ALS2CL: variants seen among roughly 807,000 people sequenced by gnomAD.
ALS2CL encodes the protein ALS2 C-terminal-like protein.
In ALS2CL, 112 loss-of-function variants were observed where a neutral mutation model predicts 127.9. The observed-to-expected ratio is 0.88, with a 90% CI of 0.75 to 1.02. The LOEUF is 1.02. Ranked by LOEUF, ALS2CL falls within the 50% of genes least tolerant of loss-of-function variation. The probability of loss-of-function intolerance (pLI) is 0.00; values close to 1 mark genes in which losing one functional copy is unlikely to be tolerated. For missense variants in ALS2CL, 1,174 were observed against 1,236.7 expected (o/e 0.95, Z 0.76); for synonymous variants, 519 against 527.6 (o/e 0.98, Z 0.22).
intron 19 of ALS2CL, 67 bp downstream of exon 19, chr3:46,676,178 A>G: frequency 6.4e-7 from 1 of 1,572,550 alleles, no homozygotes; most frequent in South Asian, 1.1e-5. Flanking sequence ...GCAAGGCAGA[A>G]CTGATGCCTG....
At chr3:46,675,411 T>C in intron 20 of ALS2CL, 2 of 577,476 alleles carry the variant, frequency 3.5e-6, no homozygotes, top group South Asian at 4.3e-5. Context: ...ATTCAATGCA[T>C]TGTAGCAGTG....
rs148971414 is a variant in ALS2CL at position 46,681,581 on chromosome 3, A to T, written c.1193T>A (p.Leu398Gln). 4 of 1,614,112 alleles carry T rather than the reference A, an allele frequency of 2.5e-6. No homozygotes were observed. Among genetic ancestry groups the T allele is most frequent in the Non-Finnish European group, 3.4e-6 (4 of 1,179,978 alleles). ...GAACTTGTCCTCAGAGGCCTGGGGC[A>T]GCAGGCGGATGCCGAAGCTGACAGC... ...GLEHGFGIRL[L>Q]PQASEDKFDC... Residue 398 changes from leucine to glutamine, a missense_variant, in exon 12 of 26, where the codon CTG becomes CAG. Leu to Gln is a moderately radical substitution (Grantham distance 113). Coordinates refer to ENST00000318962, the MANE Select transcript of ALS2CL (RefSeq NM_147129.5). This position sits in a 1 kb window ranked among gnomAD's most constrained non-coding sequence, Gnocchi z 4.9.
intron 7 of ALS2CL, 142 bp downstream of exon 7, chr3:46,685,383 C>T (rs1177114004): frequency 5.0e-6 from 7 of 1,394,522 alleles, no homozygotes; most frequent in Non-Finnish European, 6.8e-6. Context: ...CGCCCCTCCC[C>T]AACACAACGC....
rs756660741 is a variant in ALS2CL, at chr3:46,688,248, T to G, written c.152A>C (p.Gln51Pro). The stretch of plus-strand genomic sequence containing the variant: ...TTGCTGGGAGCTCTTGTGCAGCTGT[T>G]GCAAGAGCCGCAGGCACTCTCTGCC... ...PWGRECLRLL[Q>P]QLHKSSQQLW... The change falls in exon 3 of 26, where the codon CAA (glutamine) becomes CCA (proline). Residue 51 changes from glutamine to proline, a missense_variant. Physicochemically the swap from Gln to Pro is moderately conservative, Grantham distance 76. Transcript: ENST00000318962. The G allele has an allele frequency of 1.9e-6, 3 of 1,612,908 alleles. No individual in the cohort carries two copies. Among genetic ancestry groups the G allele is most frequent in the Non-Finnish European group, 2.5e-6 (3 of 1,179,982 alleles).
chr3:46,687,766 C>G, intron 3 of ALS2CL, 82 bp from the exon 4 acceptor site: 3 of 1,432,920 alleles, frequency 2.1e-6, no homozygotes, highest in Non-Finnish European at 2.8e-6. Context: ...TCCCCAGATC[C>G]CACCCACTAG....
chr3:46,679,527 C>T (rs961897496), intron 14 of ALS2CL: 1 of 314,800 alleles, frequency 3.2e-6, no homozygotes. Flanking sequence ...CGCCCTGGCT[C>T]CTCACCCCAG....
rs1382258254 is a variant in ALS2CL at position 46,677,035 on chromosome 3, T to C, written c.1758-13A>G. 2.5e-6 allele frequency: 4 copies of C among 1,589,760 alleles called. No homozygotes were observed. The highest frequency in any genetic ancestry group is 3.4e-6 in the Non-Finnish European group (4 of 1,168,626). Reference sequence around the variant, plus strand: ...CACGCCCAGCTGCCTGCGATGGGGATGGAGGGTGGGTGATGGGGCAGAGAG... The same window carrying C: ...CACGCCCAGCTGCCTGCGATGGGGACGGAGGGTGGGTGATGGGGCAGAGAG... On this transcript the variant is annotated splice_polypyrimidine_tract_variant and intron_variant, in intron 16 of 25. Transcript: ENST00000318962.
rs893113685 is a variant in ALS2CL, at chr3:46,682,214, C to T, written c.1110-120G>A. The stretch of plus-strand genomic sequence containing the variant: ...TTGGACTGGGCTCCCTGCACCCACC[C>T]AGCCCTCTTGTCTGAGCTCCGAACA... On this transcript the variant is annotated intron_variant, in intron 10 of 25. Transcript: ENST00000318962. 3 of 1,063,492 alleles carry T rather than the reference C, an allele frequency of 2.8e-6. No homozygotes were observed. In the African/African-American group the frequency reaches 4.7e-5, roughly 17 times the overall value. 65.9% of individuals were successfully genotyped at this position (1,063,492 alleles called of 1,614,324 possible). A position where few individuals can be genotyped will look rare whatever the true frequency, so the allele number is the denominator to read the frequency against.
intron 1 of ALS2CL, among the ~76,000 whole-genome samples, chr3:46,690,086 A>T (rs1700066711): frequency 6.6e-6 from 1 of 152,212 alleles, no homozygotes. Flanking sequence ...GTAAAGGCTC[A>T]TGGGTGTGAG....
In ALS2CL at chr3:46,690,675, G is replaced by T. The variant is rs143350522; in HGVS notation, c.-25-1210C>A. On this transcript the variant is annotated intron_variant, in intron 1 of 25. Coordinates refer to ENST00000318962, the MANE Select transcript of ALS2CL (RefSeq NM_147129.5). Reference sequence around the variant, plus strand: ...AGGGTCTTTTAGCCCAAGACCCGCAGACTGTCTCTCTCCTTGTCTCTGACA... The same window carrying T: ...AGGGTCTTTTAGCCCAAGACCCGCATACTGTCTCTCTCCTTGTCTCTGACA... Among the ~76,000 whole-genome samples the T allele has an allele frequency of 3.9e-5, 6 of 152,366 alleles. 1 individual carries two copies. Among genetic ancestry groups the T allele is most frequent in the South Asian group, 2.1e-4 (1 of 4,828 alleles).
intron 8 of ALS2CL, 55 bp from the exon 9 acceptor site, chr3:46,683,903 G>A (rs1699565194): frequency 1.2e-6 from 2 of 1,613,472 alleles, no homozygotes; most frequent in Non-Finnish European, 1.7e-6. Flanking sequence ...GGGTGGAGGG[G>A]CCCAAGCCAG....
At chr3:46,677,729 G>A (rs1387665403) in intron 16 of ALS2CL, among the ~76,000 whole-genome samples, 1 of 152,182 alleles carries the variant, frequency 6.6e-6, no homozygotes, top group East Asian at 1.9e-4. Context: ...CGCAACAAGA[G>A]CAACTGTTTT....
intron 20 of ALS2CL, 47 bp from the exon 21 acceptor site, chr3:46,674,786 G>C: frequency 6.6e-7 from 1 of 1,511,664 alleles, no homozygotes; most frequent in Non-Finnish European, 8.9e-7. Context: ...GTGGGGTCTG[G>C]GATTACTACT....
chr3:46,687,202 C>A (rs1236257272), intron 4 of ALS2CL, 54 bp from the exon 5 acceptor site: 126 of 1,453,880 alleles, frequency 8.7e-5, no homozygotes, highest in Non-Finnish European at 1.1e-4. Flanking sequence ...ATTCCTGCAC[C>A]CACACCGCCA....
chr3:46,687,131 T>C lies in ALS2CL; in HGVS notation c.386A>G (p.Gln129Arg). 2 of 1,522,708 alleles carry C rather than the reference T, an allele frequency of 1.3e-6. No homozygotes were observed. The highest frequency in any genetic ancestry group is 1.8e-6 in the Non-Finnish European group (2 of 1,141,748). 94.3% of individuals were successfully genotyped at this position (1,522,708 alleles called of 1,614,324 possible). Residue 129 changes from glutamine to arginine, a missense_variant, in exon 5 of 26, where the codon CAG becomes CGG. Physicochemically the swap from Gln to Arg is conservative, Grantham distance 43. Transcript: ENST00000318962. ...AAGCAGCTGCCGCAGCGCCTTCCGC[T>C]GGCCCCGCCAGTACTCGCTGCGTGT... Reference protein sequence around the residue: ...AKRRSEYWRGQRKALRQLLSG... With the variant: ...AKRRSEYWRGRRKALRQLLSG...
Position 46,676,323 on chromosome 3 carries a change from A to C in ALS2CL, c.2108T>G (p.Val703Gly). The C allele has an allele frequency of 4.3e-6, 7 of 1,613,748 alleles. No homozygotes were observed. The highest frequency in any genetic ancestry group is 2.5e-6 in the Non-Finnish European group (3 of 1,179,944). ...CTCCTGCAGGTGCTTGTTGGCCCCG[A>C]CACCTGCGTAGGTAGCCTGGAAGGT... ...MLTFQATYAGVGANKHLQELA... is the reference protein window; with the variant it reads ...MLTFQATYAGGGANKHLQELA... Residue 703 changes from valine to glycine, a missense_variant, in exon 19 of 26, where the codon GTC (valine) becomes GGC (glycine). Transcript: ENST00000318962.
intron 4 of ALS2CL, among the ~76,000 whole-genome samples, 159 bp downstream of exon 4, chr3:46,687,460 C>T (rs1222993062): frequency 6.6e-6 from 1 of 152,248 alleles, no homozygotes; most frequent in Non-Finnish European, 1.5e-5. Flanking sequence ...CCCTGTTTCT[C>T]TTCCAGTGTG....
In ALS2CL at chr3:46,691,135, G is replaced by A. The variant is rs139500898; in HGVS notation, c.-25-1670C>T. ...CACAGGGGGCTCCAGGTCAGCTCAG[G>A]CAGACAAGGAAAGCCCAGCCAAGGG... On this transcript the variant is annotated intron_variant, in intron 1 of 25. Transcript: ENST00000318962. Among the ~76,000 whole-genome samples the A allele has an allele frequency of 3.0e-3, 461 of 152,286 alleles. 1 individual carries two copies. The highest frequency in any genetic ancestry group is 8.8e-3 in the African/African-American group (365 of 41,562).
Position 46,676,626 on chromosome 3 carries a change from C to A in ALS2CL, c.2028+16G>T. The A allele has an allele frequency of 6.8e-6, 11 of 1,612,004 alleles. No individual in the cohort carries two copies. The highest frequency in any genetic ancestry group is 9.3e-6 in the Non-Finnish European group (11 of 1,179,206). On this transcript the variant is annotated intron_variant, in intron 18 of 25. Coordinates refer to ENST00000318962, the MANE Select transcript of ALS2CL (RefSeq NM_147129.5). ...TGACAATGTCACCCCCTTGGCCACC[C>A]CAGCAGGGCTCTCACCTTCCTGAGG...
Sources: gnomAD v4.1 joint callset for allele counts (sites outside exome capture counted in the v4.1 genomes callset) on GRCh38, gnomAD v4.1.1 for gene constraint, Gnocchi (gnomAD v3.1) non-coding constraint, MANE v1.5 for transcripts, NCBI Gene and HGNC (gene_info 2026-07-23, HGNC 2026-07-21) for gene names.